The following SDF4 variants were observed in gnomAD, a reference collection of about 807,000 sequenced individuals.
The protein encoded by SDF4 is 45 kDa calcium-binding protein.
SDF4 carries 22 observed loss-of-function variants against 34.2 expected under a neutral mutation model. The observed-to-expected ratio is 0.64, with a 90% CI of 0.46 to 0.92. SDF4 has a LOEUF of 0.92. SDF4 is among the 40% of genes least tolerant of loss of function. SDF4 has a pLI of 0.00. For missense variants in SDF4, 447 were observed against 499.9 expected (o/e 0.89, Z 1.01); for synonymous variants, 236 against 203.1 (o/e 1.16, Z -1.38).
intron 4 of SDF4, chr1:1,220,561 T>C: frequency 1.6e-6 from 2 of 1,265,168 alleles, no homozygotes; most frequent in South Asian, 2.6e-5. Flanking sequence ...CACCCTGAGG[T>C]CGGGGAGGCC....
At chr1:1,219,556 G>A in intron 4 of SDF4, 1 of 990,052 alleles carries the variant, frequency 1.0e-6, no homozygotes, top group Non-Finnish European at 1.2e-6. Flanking sequence ...TTCTAGAAAT[G>A]ACTGAGACTG....
chr1:1,224,178 G>A (rs561015919), intron 2 of SDF4, among the ~76,000 whole-genome samples: 7 of 152,276 alleles, frequency 4.6e-5, no homozygotes, highest in South Asian at 2.1e-4. Context: ...TGGATGCCAC[G>A]GTCCCCTCCC....
rs1384393162 is a variant in SDF4 at position 1,223,936 on chromosome 1, G to A, written c.338C>T (p.Ala113Val). 18 of 1,611,326 alleles carry A rather than the reference G, an allele frequency of 1.1e-5. No individual in the cohort carries two copies. Among genetic ancestry groups the A allele is most frequent in the Non-Finnish European group, 1.4e-5 (17 of 1,179,842 alleles). ...VDVNTDRKIS[A>V]KEMQRWIMEK... ...CATGATCCAGCGCTGCATCTCCTTG[G>A]CACTGATCTTCCGGTCAGTGTTCAC... Residue 113 changes from alanine to valine, a missense_variant, in exon 3 of 7, where the codon GCC becomes GTC. Coordinates refer to ENST00000360001, the MANE Select transcript of SDF4 (RefSeq NM_016176.6).
In SDF4 at chr1:1,223,227, C is replaced by G. The variant is rs771270708; in HGVS notation, c.556+17G>C. The G allele has an allele frequency of 6.4e-7, 1 of 1,572,298 alleles. No individual in the cohort carries two copies. The highest frequency in any genetic ancestry group is 1.1e-5 in the South Asian group (1 of 90,190). ...GGATGCCTGAGACCGGTGGCGGGAGCCTGGCTGAGCACTCACTTTCCTCAT... is the reference window on the plus strand; with the variant it reads ...GGATGCCTGAGACCGGTGGCGGGAGGCTGGCTGAGCACTCACTTTCCTCAT... On this transcript the variant is annotated intron_variant, in intron 4 of 6. Coordinates refer to ENST00000360001, the MANE Select transcript of SDF4 (RefSeq NM_016176.6).
rs1246025074 is a variant in SDF4 at position 1,223,940 on chromosome 1, T to C, written c.334A>G (p.Ser112Gly). 7 of 1,611,502 alleles carry C rather than the reference T, an allele frequency of 4.3e-6. No homozygotes were observed. Among genetic ancestry groups the C allele is most frequent in the East Asian group, 2.2e-5 (1 of 44,844 alleles). Residue 112 changes from serine to glycine, a missense_variant, in exon 3 of 7, where the codon AGT becomes GGT. Coordinates refer to ENST00000360001, the MANE Select transcript of SDF4 (RefSeq NM_016176.6). ...ATCCAGCGCTGCATCTCCTTGGCAC[T>C]GATCTTCCGGTCAGTGTTCACATCC... ...KVDVNTDRKI[S>G]AKEMQRWIME...
At chr1:1,222,139 T>C (rs1460555264) in intron 4 of SDF4, among the ~76,000 whole-genome samples, 2 of 152,178 alleles carry the variant, frequency 1.3e-5, no homozygotes, top group African/African-American at 4.8e-5. Context: ...CACCCCAGGA[T>C]GCCGGGCAGC....
intron 2 of SDF4, among the ~76,000 whole-genome samples, chr1:1,225,732 G>A (rs775590041): frequency 1.4e-4 from 17 of 119,310 alleles, no homozygotes; most frequent in Non-Finnish European, 2.0e-4. Flanking sequence ...CCACAGACAC[G>A]GGCCACACAC....
Position 1,218,640 on chromosome 1 carries a change from G to A in SDF4, c.716-7C>T. ...TGCTTGTCACCGTCCTGGTCTGCGA[G>A]ACGGGAATGGGTCAGCCCACACCCA... is the stretch of plus-strand genomic sequence containing the variant. On this transcript the variant is annotated splice_polypyrimidine_tract_variant and splice_region_variant and intron_variant, in intron 5 of 6. Transcript: ENST00000360001. This position sits in a 1 kb window ranked among gnomAD's most constrained non-coding sequence, Gnocchi z 7.9. 3.1e-6 allele frequency: 5 copies of A among 1,613,696 alleles called. No individual in the cohort carries two copies. Among genetic ancestry groups the A allele is most frequent in the Non-Finnish European group, 4.2e-6 (5 of 1,179,888 alleles).
chr1:1,217,592 C>T lies in SDF4; in HGVS notation c.988G>A (p.Glu330Lys), dbSNP rs753058602. Residue 330 changes from glutamate (E) to lysine (K), a missense_variant, in exon 7 of 7, where the codon GAG becomes AAG. Glu to Lys is a moderately conservative substitution (Grantham distance 56, BLOSUM62 1). Transcript: ENST00000360001. This position sits in a 1 kb window ranked among gnomAD's most constrained non-coding sequence, Gnocchi z 8.5. ...DENQNHHLEPEEVLKYSEFFT... is the reference protein window; with the variant it reads ...DENQNHHLEPKEVLKYSEFFT... Reference sequence around the variant, plus strand: ...AACTCGCTGTACTTGAGCACCTCCTCGGGCTCCAGGTGGTGGTTCTGGTTC... The same window carrying T: ...AACTCGCTGTACTTGAGCACCTCCTTGGGCTCCAGGTGGTGGTTCTGGTTC... The T allele has an allele frequency of 1.9e-5, 30 of 1,613,614 alleles. No individual in the cohort carries two copies. Among genetic ancestry groups the T allele is most frequent in the East Asian group, 2.2e-5 (1 of 44,866 alleles).
intron 2 of SDF4, among the ~76,000 whole-genome samples, chr1:1,227,659 G>C (rs530649367): frequency 1.3e-5 from 2 of 152,196 alleles, no homozygotes; most frequent in Admixed American, 6.5e-5. Context: ...CCAGCGCTGA[G>C]TGCAAGTAGG....
At chr1:1,220,550 G>A (rs2100971055) in intron 4 of SDF4, 2 of 1,255,582 alleles carry the variant, frequency 1.6e-6, no homozygotes, top group Non-Finnish European at 2.1e-6. Flanking sequence ...GGGGTCCTAG[G>A]CACCCTGAGG....
At chr1:1,223,795 GCCCACCGCCCCA>G (rs1650121934) in intron 3 of SDF4, 25 bp downstream of exon 3, 3 of 163,554 alleles carry the variant, frequency 1.8e-5, no homozygotes, top group East Asian at 2.8e-4. Flanking sequence ...TGCCCGCCCC[GCCCACCGCCCCA>G]CCCACCCCGG....
chr1:1,224,714 C>T (rs1638240261), intron 2 of SDF4, among the ~76,000 whole-genome samples: 2 of 152,300 alleles, frequency 1.3e-5, no homozygotes, highest in Non-Finnish European at 1.5e-5. Flanking sequence ...AGTTCAAGAC[C>T]AGCTTGGGCA....
rs900311922 is a variant in SDF4 at position 1,217,388 on chromosome 1, C to T, written c.*124G>A. On this transcript the variant is annotated 3_prime_UTR_variant, in exon 7 of 7. Coordinates refer to ENST00000360001, the MANE Select transcript of SDF4 (RefSeq NM_016176.6). This position sits in a 1 kb window ranked among gnomAD's most constrained non-coding sequence, Gnocchi z 8.5. The stretch of plus-strand genomic sequence containing the variant: ...CGCCGCTCATCAACTGGGGCAGCCG[C>T]GGTCGGTCGGCCGGTGGCGGGCGGC... 28 of 754,452 alleles carry T rather than the reference C, an allele frequency of 3.7e-5. No individual in the cohort carries two copies. The highest frequency in any genetic ancestry group is 5.1e-4 in the Middle Eastern group (1 of 1,980). 46.7% of individuals were successfully genotyped at this position (754,452 alleles called of 1,614,324 possible). A position where few individuals can be genotyped will look rare whatever the true frequency, so the allele number is the denominator to read the frequency against.
intron 1 of SDF4, among the ~76,000 whole-genome samples, chr1:1,230,462 A>ATTTTT (rs553378637): frequency 2.8e-5 from 4 of 144,012 alleles, no homozygotes; most frequent in Non-Finnish European, 4.6e-5. Flanking sequence ...CTCATGTCTG[A>ATTTTT]TTTTTTTTTT....
At position 1,217,827 on chromosome 1, in the gene SDF4, C is replaced by G; in HGVS notation, c.892-139G>C. ...GTTCTGGAAGGTTCCCGAAGGGAGG[C>G]GGCACAAATGAAAACACAGGGCAGG... On this transcript the variant is annotated intron_variant, in intron 6 of 6. Coordinates refer to ENST00000360001, the MANE Select transcript of SDF4 (RefSeq NM_016176.6). This position sits in a 1 kb window ranked among gnomAD's most constrained non-coding sequence, Gnocchi z 8.5. 1 of 1,543,890 alleles carries G rather than the reference C, an allele frequency of 6.5e-7. No homozygotes were observed. The highest frequency in any genetic ancestry group is 1.8e-4 in the Middle Eastern group (1 of 5,712).
chr1:1,218,960 C>T lies in SDF4; in HGVS notation c.557-33G>A, dbSNP rs764169619. 6.8e-6 allele frequency: 11 copies of T among 1,612,048 alleles called. No homozygotes were observed. Among genetic ancestry groups the T allele is most frequent in the Admixed American group, 6.7e-5 (4 of 59,866 alleles). On this transcript the variant is annotated intron_variant, in intron 4 of 6. Coordinates refer to ENST00000360001, the MANE Select transcript of SDF4 (RefSeq NM_016176.6). This position sits in a 1 kb window ranked among gnomAD's most constrained non-coding sequence, Gnocchi z 7.9. ...GGGCGCAGCCTGTGGGTATCGAGGC[C>T]GACAGACGCCAGCACGCAAATCCAG... is the stretch of plus-strand genomic sequence containing the variant.
intron 1 of SDF4, 82 bp downstream of exon 1, chr1:1,231,810 G>C (rs1638511356): frequency 6.6e-6 from 1 of 152,172 alleles, no homozygotes; most frequent in Admixed American, 6.5e-5. Context: ...GGCGGCGGCG[G>C]CCTCCAGACC....
intron 4 of SDF4, chr1:1,220,424 T>C (rs11809575): frequency 0.12 from 147,443 of 1,180,128 alleles, 9,552 homozygotes; most frequent in African/African-American, 0.16. Flanking sequence ...GCAGGAGCCA[T>C]GCAGGGAGGG....
Sources: allele counts gnomAD v4.1 joint callset (sites outside exome capture counted in the v4.1 genomes callset), GRCh38; gene constraint gnomAD v4.1.1; non-coding constraint Gnocchi (gnomAD v3.1); transcripts MANE v1.5; gene names NCBI Gene and HGNC (gene_info 2026-07-23, HGNC 2026-07-21).